KANK1: variants seen among roughly 807,000 people sequenced by gnomAD.
The protein encoded by KANK1 is KN motif and ankyrin repeat domains 1, also known as KN motif and ankyrin repeat domain-containing protein 1.
A neutral mutation model predicts 106.2 loss-of-function variants in KANK1; 109 were observed. The ratio of observed to expected loss-of-function variants is 1.03; its 90% CI spans 0.88 to 1.20. The LOEUF (loss-of-function observed/expected upper bound fraction) is 1.20, where lower values mean the gene tolerates loss of function less well. Ranked by LOEUF, KANK1 falls within the 50% of genes most tolerant of loss-of-function variation. KANK1 has a pLI of 0.00. For synonymous variants in KANK1, 873 were observed against 652.2 expected (o/e 1.34, Z -5.16); for missense variants, 2,399 against 1,710.7 (o/e 1.40, Z -7.10).
chr9:650,905 G>T lies in KANK1; in HGVS notation c.-83-25985G>T, dbSNP rs77776775. 3.9e-3 allele frequency among the ~76,000 whole-genome samples: 596 copies of T among 152,156 alleles called. 2 individuals are homozygous for T. Among genetic ancestry groups the T allele is most frequent in the African/African-American group, 0.013 (560 of 41,494 alleles). On this transcript the variant is annotated intron_variant, in intron 1 of 11. Coordinates refer to ENST00000382297, the MANE Select transcript of KANK1 (RefSeq NM_015158.5). ...GAAGGGCTGGAAGACTAAGAAAATA[G>T]GAAATGAGAAGAAATGCACAAAGGA...
chr9:698,544 C>T (rs1359144409), intron 2 of KANK1, among the ~76,000 whole-genome samples: 2 of 152,140 alleles, frequency 1.3e-5, no homozygotes, highest in Non-Finnish European at 2.9e-5. Context: ...GAGACCGGAT[C>T]CTGGTCTCCA....
intron 1 of KANK1, among the ~76,000 whole-genome samples, chr9:511,585 G>A (rs1000394201): frequency 1.3e-5 from 2 of 151,696 alleles, no homozygotes; most frequent in African/African-American, 4.9e-5. Flanking sequence ...CACCTGTCCA[G>A]ACTCAAGAAC....
intron 2 of KANK1, among the ~76,000 whole-genome samples, chr9:708,752 G>GT (rs771124525): frequency 6.6e-6 from 1 of 152,108 alleles, no homozygotes; most frequent in Non-Finnish European, 1.5e-5. Flanking sequence ...AGTCAAGTGG[G>GT]TTTGTATACT....
At chr9:529,580 T>C (rs1412910777) in intron 1 of KANK1, among the ~76,000 whole-genome samples, 2 of 152,248 alleles carry the variant, frequency 1.3e-5, no homozygotes, top group South Asian at 2.1e-4. Context: ...CTTCATATAT[T>C]GTTATGCATC....
chr9:664,363 C>T (rs1563949637), intron 1 of KANK1, among the ~76,000 whole-genome samples: 1 of 152,122 alleles, frequency 6.6e-6, no homozygotes, highest in South Asian at 2.1e-4. Flanking sequence ...AACATAATGA[C>T]CCCCAGTTTC....
intron 7 of KANK1, among the ~76,000 whole-genome samples, chr9:735,202 T>G (rs1476893458): frequency 1.3e-5 from 2 of 152,238 alleles, no homozygotes; most frequent in East Asian, 1.9e-4. Flanking sequence ...AGAATTTTTT[T>G]TTTAAGTTAG....
In KANK1 at chr9:648,679, G is replaced by C. The variant is rs951547142; in HGVS notation, c.-83-28211G>C. On this transcript the variant is annotated intron_variant, in intron 1 of 11. Coordinates refer to ENST00000382297, the MANE Select transcript of KANK1 (RefSeq NM_015158.5). ...GTGCGGTTGCAGAATCGCAGGCCAA[G>C]GGGAGCTCACGTCTTTGAGCTTCAA... Among the ~76,000 whole-genome samples, 3 of 152,164 alleles carry C rather than the reference G, an allele frequency of 2.0e-5. No homozygotes were observed. The East Asian group carries it at 5.8e-4, about 29-fold the overall frequency.
Position 481,961 on chromosome 9 carries a change from T to A in KANK1, c.-362+8688T>A, listed in dbSNP as rs564212384. The stretch of plus-strand genomic sequence containing the variant: ...CAGGGGCGAGGAGGAGGGTCATGCT[T>A]GGATCCTTCTGAACCTCTCAACTTC... On this transcript the variant is annotated intron_variant, in intron 3 of 15. Transcript: ENST00000382303. Among the ~76,000 whole-genome samples, 4 of 152,284 alleles carry A rather than the reference T, an allele frequency of 2.6e-5. No homozygotes were observed. In the South Asian group the frequency reaches 8.3e-4, roughly 32 times the overall value.
At chr9:536,185 A>G (rs184375897) in intron 1 of KANK1, among the ~76,000 whole-genome samples, 1 of 151,752 alleles carries the variant, frequency 6.6e-6, no homozygotes, top group South Asian at 2.1e-4. Context: ...TAAAAAATAT[A>G]AAAAAAATAG....
At chr9:529,505 A>G (rs1041942099) in intron 1 of KANK1, among the ~76,000 whole-genome samples, 1 of 1,938 alleles carries the variant, frequency 5.2e-4, no homozygotes, top group South Asian at 0.056. Context: ...GGCCTCATAC[A>G]TATTTTTAAA....
In KANK1 at chr9:745,315, A is replaced by G. The variant is rs1836912715; in HGVS notation, c.*80A>G. The G allele has an allele frequency of 2.6e-6, 4 of 1,559,276 alleles. No individual in the cohort carries two copies. Among genetic ancestry groups the G allele is most frequent in the African/African-American group, 2.7e-5 (2 of 73,928 alleles). ...TGTTGGGGTGACAGATACTGAATGTATACGTATTGTGCCTGAGCTCACCAG... is the reference window on the plus strand; with the variant it reads ...TGTTGGGGTGACAGATACTGAATGTGTACGTATTGTGCCTGAGCTCACCAG... On this transcript the variant is annotated 3_prime_UTR_variant, in exon 12 of 12. Transcript: ENST00000382297.
chr9:607,738 A>G (rs7850218), intron 1 of KANK1, among the ~76,000 whole-genome samples: 111,993 of 151,354 alleles, frequency 0.74, 42,101 homozygotes, highest in Non-Finnish European at 0.78. Context: ...GTTTCTTCCC[A>G]TTTCCTTGTT....
intron 1 of KANK1, among the ~76,000 whole-genome samples, chr9:633,350 T>G (rs73378976): frequency 3.3e-5 from 5 of 151,904 alleles, no homozygotes; most frequent in Admixed American, 2.6e-4. Context: ...CCCAGCTACT[T>G]GGGAGGCTGA....
At chr9:492,514 G>C (rs1470494825) in intron 3 of KANK1, among the ~76,000 whole-genome samples, 4 of 152,208 alleles carry the variant, frequency 2.6e-5, no homozygotes, top group Admixed American at 1.3e-4. Flanking sequence ...GAGCTGTTAA[G>C]GGTTGCCTGG....
chr9:523,473 A>G (rs2059641549), intron 1 of KANK1, among the ~76,000 whole-genome samples: 1 of 151,752 alleles, frequency 6.6e-6, no homozygotes, highest in African/African-American at 2.4e-5. Context: ...CTCAACAGCC[A>G]TCTTTTAAAA....
chr9:667,863 C>T (rs1271183067), intron 1 of KANK1, among the ~76,000 whole-genome samples: 1 of 151,748 alleles, frequency 6.6e-6, no homozygotes, highest in Non-Finnish European at 1.5e-5. Flanking sequence ...TCCCAAGTAG[C>T]TGGGATTACA....
chr9:528,092 C>A (rs1315811023), intron 1 of KANK1, among the ~76,000 whole-genome samples: 4 of 151,000 alleles, frequency 2.6e-5, no homozygotes, highest in African/African-American at 9.7e-5. Flanking sequence ...GAGATCGTGC[C>A]ACTGCACTCC....
At chr9:574,419 G>C (rs1278297775) in intron 1 of KANK1, among the ~76,000 whole-genome samples, 1 of 136,600 alleles carries the variant, frequency 7.3e-6, no homozygotes, top group Non-Finnish European at 1.5e-5. Flanking sequence ...GAAGTATGGG[G>C]TGCTCTGGGA....
intron 2 of KANK1, among the ~76,000 whole-genome samples, chr9:696,317 C>T (rs574565552): frequency 1.3e-5 from 2 of 152,008 alleles, no homozygotes; most frequent in Admixed American, 6.5e-5. Flanking sequence ...ACTTCTGCCT[C>T]CCCTAGACAC....
Sources: allele counts gnomAD v4.1 joint callset (sites outside exome capture counted in the v4.1 genomes callset), GRCh38; gene constraint gnomAD v4.1.1; transcripts MANE v1.5; gene names NCBI Gene and HGNC (gene_info 2026-07-23, HGNC 2026-07-21).